Variants in GABBR2 observed in about 807,000 individuals in gnomAD.
The protein encoded by GABBR2 is gamma-aminobutyric acid type B receptor subunit 2, also known as G-protein coupled receptor 51.
A neutral mutation model predicts 105.6 loss-of-function variants in GABBR2; 23 were observed. The ratio of observed to expected loss-of-function variants is 0.22; its 90% confidence interval spans 0.16 to 0.31. The LOEUF (loss-of-function observed/expected upper bound fraction) is 0.31, where lower values mean the gene tolerates loss of function less well. Among genes scored for constraint, GABBR2 ranks in the 10% least tolerant of loss-of-function variants. The pLI is 1.00. For missense variants in GABBR2, 734 were observed against 1,245.5 expected (o/e 0.59, Z 6.18); for synonymous variants, 478 against 499.7 (o/e 0.96, Z 0.58).
chr9:98,588,342 C>T (rs553273213), intron 1 of GABBR2, among the ~76,000 whole-genome samples: 1 of 152,330 alleles, frequency 6.6e-6, no homozygotes, highest in East Asian at 1.9e-4. Flanking sequence ...GTCCAGGAAA[C>T]AGTAAGTTCA....
At chr9:98,674,719 G>A (rs1028018730) in intron 1 of GABBR2, among the ~76,000 whole-genome samples, 4 of 152,152 alleles carry the variant, frequency 2.6e-5, no homozygotes, top group African/African-American at 9.7e-5. Flanking sequence ...GGGCCAAACT[G>A]CCAGCCCTTA....
At chr9:98,397,190 T>C (rs927754652) in intron 8 of GABBR2, among the ~76,000 whole-genome samples, 2 of 152,182 alleles carry the variant, frequency 1.3e-5, no homozygotes, top group African/African-American at 4.8e-5. Context: ...GCTCAGCTCA[T>C]GGTATTTCAT....
chr9:98,690,800 T>G (rs1588284792), intron 1 of GABBR2, among the ~76,000 whole-genome samples: 1 of 152,178 alleles, frequency 6.6e-6, no homozygotes, highest in Admixed American at 6.5e-5. Context: ...AGGGACCAAC[T>G]GTGTGTGCAC....
At chr9:98,436,352 T>A (rs1199153275) in intron 7 of GABBR2, among the ~76,000 whole-genome samples, 51 of 1,734 alleles carry the variant, frequency 0.029, 4 homozygotes, top group South Asian at 0.083. Context: ...ACACACCATA[T>A]ATATATATAT....
At chr9:98,627,527 C>T (rs1267822012) in intron 1 of GABBR2, among the ~76,000 whole-genome samples, 1 of 152,206 alleles carries the variant, frequency 6.6e-6, no homozygotes, top group Non-Finnish European at 1.5e-5. Context: ...AAGCTGTCCC[C>T]ACTCGGGTCT....
At chr9:98,528,433 A>G (rs1351560636) in intron 3 of GABBR2, among the ~76,000 whole-genome samples, 1 of 152,172 alleles carries the variant, frequency 6.6e-6, no homozygotes, top group Non-Finnish European at 1.5e-5. Context: ...TGTCAAGCAT[A>G]ATGGAAAGGT....
At chr9:98,637,809 T>C (rs1219217363) in intron 1 of GABBR2, among the ~76,000 whole-genome samples, 2 of 152,200 alleles carry the variant, frequency 1.3e-5, no homozygotes, top group African/African-American at 2.4e-5. Context: ...GTTGGGTTTC[T>C]GACCTCCAGA....
intron 1 of GABBR2, among the ~76,000 whole-genome samples, chr9:98,647,624 A>G (rs576081011): frequency 3.9e-5 from 6 of 152,206 alleles, no homozygotes; most frequent in Non-Finnish European, 8.8e-5. Context: ...CCCCCTGGAT[A>G]CTGAGTGCTG....
intron 1 of GABBR2, chr9:98,607,119 A>C (rs1829436914): frequency 1.2e-6 from 2 of 1,608,770 alleles, no homozygotes; most frequent in Non-Finnish European, 1.7e-6. Context: ...GAACAATCCA[A>C]AGTTTTAATC....
In GABBR2 at chr9:98,433,368, T is replaced by C. The variant is rs187359334; in HGVS notation, c.1236+20613A>G. 1.2e-3 allele frequency among the ~76,000 whole-genome samples: 181 copies of C among 152,334 alleles called. 1 individual carries two copies. Among genetic ancestry groups the C allele is most frequent in the African/African-American group, 3.9e-3 (161 of 41,574 alleles). On this transcript the variant is annotated intron_variant, in intron 7 of 18. Transcript: ENST00000259455. The stretch of plus-strand genomic sequence containing the variant: ...GTATGTAAAGACATGTACACATACA[T>C]ACACATGTACAAAATTACTGCCTTC...
Position 98,371,497 on chromosome 9 carries a change from G to A in GABBR2, c.1737C>T (p.His579=), listed in dbSNP as rs560132993. Residue 579 remains histidine, a synonymous_variant, in exon 12 of 19, where the codon CAC becomes CAT. Transcript: ENST00000259455. ...GAMFAKTWRV[H]AIFKNVKMKK... is the part of the protein sequence containing the mutation. ...TCATTTTCACATTTTTGAAGATGGC[G>A]TGGACTCTCCAGGTCTTTGCAAACA... The A allele has an allele frequency of 1.4e-5, 22 of 1,606,928 alleles. No individual in the cohort carries two copies. The highest frequency in any genetic ancestry group is 6.7e-5 in the East Asian group (3 of 44,854).
At chr9:98,488,585 A>C (rs772988484) in intron 4 of GABBR2, among the ~76,000 whole-genome samples, 6 of 152,188 alleles carry the variant, frequency 3.9e-5, no homozygotes, top group Admixed American at 2.0e-4. Flanking sequence ...ATAAAAAATA[A>C]AGATGAGAGC....
chr9:98,473,142 T>C lies in GABBR2; in HGVS notation c.999+4A>G. 1 of 1,611,140 alleles carries C rather than the reference T, an allele frequency of 6.2e-7. No individual in the cohort carries two copies. The highest frequency in any genetic ancestry group is 8.5e-7 in the Non-Finnish European group (1 of 1,177,638). Reference sequence around the variant, plus strand: ...AAGGTTGAAATGGGGACCAAGGCACTGACCTTTCCTGAGATGGTCTTGATC... The same window carrying C: ...AAGGTTGAAATGGGGACCAAGGCACCGACCTTTCCTGAGATGGTCTTGATC... On this transcript the variant is annotated splice_donor_region_variant and intron_variant, in intron 6 of 18. Coordinates refer to ENST00000259455, the MANE Select transcript of GABBR2 (RefSeq NM_005458.8).
At chr9:98,648,573 C>T (rs1830062064) in intron 1 of GABBR2, among the ~76,000 whole-genome samples, 1 of 152,238 alleles carries the variant, frequency 6.6e-6, no homozygotes, top group South Asian at 2.1e-4. Context: ...TGCTCTGCCA[C>T]AGGTCACTCC....
chr9:98,675,320 G>A (rs1046366377), intron 1 of GABBR2, among the ~76,000 whole-genome samples: 4 of 152,000 alleles, frequency 2.6e-5, no homozygotes, highest in African/African-American at 9.7e-5. Context: ...AGGCAGGCCA[G>A]GTGAACGGCT....
rs144922498 is a variant in GABBR2, at chr9:98,612,318, A to AT, written c.322-34247dup. Among the ~76,000 whole-genome samples the AT allele has an allele frequency of 5.7e-3, 866 of 152,224 alleles. 19 individuals carry two copies. The highest frequency in any genetic ancestry group is 0.056 in the East Asian group (290 of 5,170). On this transcript the variant is annotated intron_variant, in intron 1 of 18. Coordinates refer to ENST00000259455, the MANE Select transcript of GABBR2 (RefSeq NM_005458.8). ...CAGGCACCAGCTGGAGAATAACGGC[A>AT]TTTTTTTCAAAGCCAGGGCTATGCT...
intron 2 of GABBR2, among the ~76,000 whole-genome samples, chr9:98,556,654 A>G (rs779435287): frequency 2.6e-4 from 39 of 152,168 alleles, no homozygotes; most frequent in Non-Finnish European, 4.3e-4. Flanking sequence ...TCCTCTGGTC[A>G]GCTGCAAACC....
chr9:98,599,486 A>G (rs1159488794), intron 1 of GABBR2, among the ~76,000 whole-genome samples: 1 of 152,168 alleles, frequency 6.6e-6, no homozygotes, highest in Non-Finnish European at 1.5e-5. Flanking sequence ...AACAAAACAA[A>G]ACCTCTCAAG....
intron 2 of GABBR2, among the ~76,000 whole-genome samples, chr9:98,566,972 G>A (rs983499950): frequency 7.9e-5 from 12 of 152,104 alleles, no homozygotes; most frequent in African/African-American, 2.4e-4. Context: ...TTACATGTTT[G>A]TCCCCAGAGG....
Sources: allele counts gnomAD v4.1 joint callset (sites outside exome capture counted in the v4.1 genomes callset), GRCh38; gene constraint gnomAD v4.1.1; transcripts MANE v1.5; gene names NCBI Gene and HGNC (gene_info 2026-07-23, HGNC 2026-07-21).